The following RNASET2 variants were observed in gnomAD, a reference collection of about 807,000 sequenced individuals.
RNASET2 encodes ribonuclease T2.
RNASET2 carries 28 observed loss-of-function variants against 33.9 expected under a neutral mutation model. That is an observed-to-expected ratio of 0.83 (90% CI 0.61 to 1.13). The LOEUF (loss-of-function observed/expected upper bound fraction) is 1.13, where lower values mean the gene tolerates loss of function less well. Among genes scored for constraint, RNASET2 ranks in the 50% most tolerant of loss-of-function variants. The probability of loss-of-function intolerance (pLI) is 0.00; values close to 1 mark genes in which losing one functional copy is unlikely to be tolerated. For missense variants in RNASET2, 330 were observed against 319.9 expected (o/e 1.03, Z -0.24); for synonymous variants, 123 against 121.0 (o/e 1.02, Z -0.11).
chr6:166,935,844 T>C (rs749313905), intron 6 of RNASET2, among the ~76,000 whole-genome samples: 26 of 152,136 alleles, frequency 1.7e-4, no homozygotes, highest in Non-Finnish European at 2.5e-4. Context: ...CAGCTAATTT[T>C]TGTATTTTTA....
rs567484544 is a variant in RNASET2, at chr6:166,956,385, C to T, written c.-203G>A. 6.1e-4 allele frequency: 366 copies of T among 595,670 alleles called. No homozygotes were observed. The highest frequency in any genetic ancestry group is 2.2e-3 in the Middle Eastern group (5 of 2,236). The allele number at this position is 595,670 out of a possible 1,614,324, so 36.9% of individuals were successfully genotyped here. A position where few individuals can be genotyped will look rare whatever the true frequency, so the allele number is the denominator to read the frequency against. Reference sequence around the variant, plus strand: ...ATCTCGCGGGCCCCGCGCCGGGCTCCGGGAATGGCCGCAGCAGCCCTGGCG... The same window carrying T: ...ATCTCGCGGGCCCCGCGCCGGGCTCTGGGAATGGCCGCAGCAGCCCTGGCG... On this transcript the variant is annotated 5_prime_UTR_variant, in exon 1 of 9. Transcript: ENST00000508775.
rs1370655926 is a variant in RNASET2 at position 166,928,229 on chromosome 6, G to T, written c.*1359C>A. Among the ~76,000 whole-genome samples the T allele has an allele frequency of 3.3e-5, 5 of 152,168 alleles. No individual in the cohort carries two copies. The highest frequency in any genetic ancestry group is 7.3e-5 in the Non-Finnish European group (5 of 68,032). ...GTCCTGTGTCTCCTTTAATGCCTGC[G>T]GGGGACGCAGAGGCCACTGAGTCTA... On this transcript the variant is annotated 3_prime_UTR_variant, in exon 9 of 9. Coordinates refer to ENST00000508775, the MANE Select transcript of RNASET2 (RefSeq NM_003730.6).
intron 3 of RNASET2, among the ~76,000 whole-genome samples, chr6:166,947,953 C>T (rs1232257404): frequency 2.0e-5 from 3 of 152,124 alleles, no homozygotes; most frequent in African/African-American, 7.2e-5. Context: ...TATGTATTTT[C>T]ATGTAGTTAT....
intron 6 of RNASET2, among the ~76,000 whole-genome samples, chr6:166,938,406 G>A (rs537942878): frequency 6.6e-6 from 1 of 152,136 alleles, no homozygotes; most frequent in Non-Finnish European, 1.5e-5. Context: ...ATAGAGGTGA[G>A]GGCAGGCAGG....
At position 166,956,486 on chromosome 6, in the gene RNASET2, A is replaced by C; in HGVS notation, c.-304T>G. 1 of 438,746 alleles carries C rather than the reference A, an allele frequency of 2.3e-6. No homozygotes were observed. 27.2% of individuals were successfully genotyped at this position (438,746 alleles called of 1,614,324 possible). A position where few individuals can be genotyped will look rare whatever the true frequency, so the allele number is the denominator to read the frequency against. On this transcript the variant is annotated 5_prime_UTR_variant, in exon 1 of 9. Coordinates refer to ENST00000508775, the MANE Select transcript of RNASET2 (RefSeq NM_003730.6). ...TCCCGGGCTCTGCTTCGCGACCCAC[A>C]GCGACCCCAGCTCCTCCACGCTGCA...
chr6:166,938,797 A>G (rs762358248), intron 6 of RNASET2, 98 bp downstream of exon 6: 1 of 826,134 alleles, frequency 1.2e-6, no homozygotes, highest in South Asian at 1.3e-5. Flanking sequence ...GCTGGAGGGC[A>G]GTGAGGTCTA....
chr6:166,931,482 C>T lies in RNASET2; in HGVS notation c.493-364G>A, dbSNP rs1212558346. 3.5e-5 allele frequency: 12 copies of T among 347,776 alleles called. No homozygotes were observed. The East Asian group carries it at 7.3e-4, about 21-fold the overall frequency. 21.5% of individuals were successfully genotyped at this position (347,776 alleles called of 1,614,324 possible). A position where few individuals can be genotyped will look rare whatever the true frequency, so the allele number is the denominator to read the frequency against. ...CCAACAACTACTCTGCCTTTCGCGG[C>T]CCATAAAGCTTTCTCAGCCCTGTCC... is the stretch of plus-strand genomic sequence containing the variant. On this transcript the variant is annotated intron_variant, in intron 7 of 8. Transcript: ENST00000508775.
intron 6 of RNASET2, among the ~76,000 whole-genome samples, chr6:166,936,386 T>C (rs1778569593): frequency 6.6e-6 from 1 of 152,030 alleles, no homozygotes; most frequent in African/African-American, 2.4e-5. Context: ...TCAGTCTGTC[T>C]AGTGTCGCTA....
chr6:166,955,741 C>G, intron 1 of RNASET2: 1 of 1,174,346 alleles, frequency 8.5e-7, no homozygotes, highest in South Asian at 1.9e-5. Context: ...CCCCAACCCA[C>G]TTCTTCCCAG....
In RNASET2 at chr6:166,956,323, C is replaced by T; in HGVS notation, c.-141G>A. The T allele has an allele frequency of 2.5e-6, 2 of 795,944 alleles. No homozygotes were observed. Among genetic ancestry groups the T allele is most frequent in the African/African-American group, 1.7e-5 (1 of 58,736 alleles). The allele number at this position is 795,944 out of a possible 1,614,324, so 49.3% of individuals were successfully genotyped here. A position where few individuals can be genotyped will look rare whatever the true frequency, so the allele number is the denominator to read the frequency against. Reference sequence around the variant, plus strand: ...CTCCCTCCGCTGCAGCAGCGGCCACCGGGTGCGCCCGGAGCCCTGGGACGG... The same window carrying T: ...CTCCCTCCGCTGCAGCAGCGGCCACTGGGTGCGCCCGGAGCCCTGGGACGG... On this transcript the variant is annotated 5_prime_UTR_variant, in exon 1 of 9. Transcript: ENST00000508775.
At position 166,925,516 on chromosome 6, in the gene RNASET2, T is replaced by C. The variant is rs1778291857; in HGVS notation, c.*4072A>G. Among the ~76,000 whole-genome samples, 1 of 149,784 alleles carries C rather than the reference T, an allele frequency of 6.7e-6. No individual in the cohort carries two copies. The highest frequency in any genetic ancestry group is 2.1e-4 in the South Asian group (1 of 4,668). On this transcript the variant is annotated 3_prime_UTR_variant, in exon 9 of 9. Coordinates refer to ENST00000508775, the MANE Select transcript of RNASET2 (RefSeq NM_003730.6). ...CCCTGTCCAGCCCTCACCTCCCCGG[T>C]CCAGCCCTTGCCTCCCCCGTCCAGC... is the stretch of plus-strand genomic sequence containing the variant.
intron 7 of RNASET2, chr6:166,932,073 C>T (rs552589277): frequency 5.8e-4 from 89 of 152,656 alleles, no homozygotes; most frequent in Non-Finnish European, 1.1e-3. Flanking sequence ...AGGGTCTGAT[C>T]ATCCTCCCCT....
intron 1 of RNASET2, among the ~76,000 whole-genome samples, chr6:166,955,183 ACACACG>A (rs1383663641): frequency 0.014 from 1,715 of 125,016 alleles, 55 homozygotes; most frequent in East Asian, 0.046. Context: ...TGCCACACAC[ACACACG>A]CACACACGCA....
intron 7 of RNASET2, chr6:166,931,605 A>G: frequency 5.3e-6 from 1 of 188,918 alleles, no homozygotes; most frequent in South Asian, 1.0e-4. Context: ...CCGGTCCCGA[A>G]ACTGCAAACC....
rs549331517 is a variant in RNASET2, at chr6:166,925,377, G to A, written c.*4211C>T. 7.5e-5 allele frequency among the ~76,000 whole-genome samples: 11 copies of A among 146,322 alleles called. No individual in the cohort carries two copies. The highest frequency in any genetic ancestry group is 2.8e-4 in the African/African-American group (11 of 39,180). ...TCCAGGCATCATTCCTGCCACCCAGGCCTCATCTACACTGCCTAGCCCTCA... is the reference window on the plus strand; with the variant it reads ...TCCAGGCATCATTCCTGCCACCCAGACCTCATCTACACTGCCTAGCCCTCA... On this transcript the variant is annotated 3_prime_UTR_variant, in exon 9 of 9. Transcript: ENST00000508775.
rs1554268873 is a variant in RNASET2, at chr6:166,945,843, A to AAAAAAAGAAAAG, written c.261+838_261+839insCTTTTCTTTTTT. ...AAAACTCTGTCTCAAAAAAAAAAAA[A>AAAAAAAGAAAAG]AAAAGAAAAGAAAAGAAAAAAAGAA... On this transcript the variant is annotated intron_variant, in intron 4 of 8. Transcript: ENST00000508775. Among the ~76,000 whole-genome samples the AAAAAAAGAAAAG allele has an allele frequency of 1.4e-3, 206 of 146,296 alleles. 1 individual carries two copies. The highest frequency in any genetic ancestry group is 5.2e-3 in the African/African-American group (194 of 37,080).
Position 166,925,498 on chromosome 6 carries a change from C to T in RNASET2, c.*4090G>A, listed in dbSNP as rs1778291621. Among the ~76,000 whole-genome samples, 1 of 151,894 alleles carries T rather than the reference C, an allele frequency of 6.6e-6. No individual in the cohort carries two copies. The highest frequency in any genetic ancestry group is 2.4e-5 in the African/African-American group (1 of 41,340). On this transcript the variant is annotated 3_prime_UTR_variant, in exon 9 of 9. Coordinates refer to ENST00000508775, the MANE Select transcript of RNASET2 (RefSeq NM_003730.6). ...CTGCCCAGCCCTCACCTCCCCTGTC[C>T]AGCCCTCACCTCCCCGGTCCAGCCC... is the stretch of plus-strand genomic sequence containing the variant.
intron 1 of RNASET2, chr6:166,953,033 C>T (rs2128647641): frequency 5.0e-6 from 1 of 199,986 alleles, no homozygotes; most frequent in South Asian, 8.6e-5. Context: ...CGTTACTACC[C>T]CAACTCAGTT....
chr6:166,955,954 G>A, intron 1 of RNASET2, 143 bp downstream of exon 1: 1 of 1,087,050 alleles, frequency 9.2e-7, no homozygotes, highest in African/African-American at 1.6e-5. Context: ...GGTCACCCCG[G>A]AGCGTGCTCG....
Sources: gnomAD v4.1 joint callset for allele counts (sites outside exome capture counted in the v4.1 genomes callset) on GRCh38, gnomAD v4.1.1 for gene constraint, MANE v1.5 for transcripts, NCBI Gene and HGNC (gene_info 2026-07-23, HGNC 2026-07-21) for gene names.